RSRC2: variants seen among roughly 807,000 people sequenced by gnomAD.
RSRC2 encodes the protein arginine and serine rich coiled-coil 2.
A neutral mutation model predicts 61.3 loss-of-function variants in RSRC2; 5 were observed. The ratio of observed to expected loss-of-function variants is 0.08; its 90% CI spans 0.04 to 0.17. The LOEUF (loss-of-function observed/expected upper bound fraction) is 0.17, where lower values mean the gene tolerates loss of function less well. Among genes scored for constraint, RSRC2 ranks in the 10% least tolerant of loss-of-function variants. The pLI, the probability that RSRC2 is intolerant of heterozygous loss-of-function variation, is 1.00. For missense variants in RSRC2, 381 were observed against 518.8 expected (o/e 0.73, Z 2.58); for synonymous variants, 202 against 166.5 (o/e 1.21, Z -1.64).
At chr12:122,511,817 AT>A (rs35202053) in intron 6 of RSRC2, among the ~76,000 whole-genome samples, 1 of 151,724 alleles carries the variant, frequency 6.6e-6, no homozygotes, top group African/African-American at 2.4e-5. Context: ...ACAAAAATGA[AT>A]TTTTTTTTGA....
At position 122,504,715 on chromosome 12, in the gene RSRC2, A is replaced by G. The variant is rs1161717186; in HGVS notation, c.*812T>C. On this transcript the variant is annotated 3_prime_UTR_variant, in exon 10 of 10. Coordinates refer to ENST00000331738, the MANE Select transcript of RSRC2 (RefSeq NM_023012.6). ...TTCAAAGGGATAATGAGCAAAAAGC[A>G]TGCAAAGAACTTGTTATAAGGCACT... The G allele has an allele frequency of 6.6e-6, 1 of 152,670 alleles. No individual in the cohort carries two copies. Among genetic ancestry groups the G allele is most frequent in the Non-Finnish European group, 1.5e-5 (1 of 68,040 alleles). 9.5% of individuals were successfully genotyped at this position (152,670 alleles called of 1,614,324 possible). A position where few individuals can be genotyped will look rare whatever the true frequency, so the allele number is the denominator to read the frequency against.
chr12:122,518,893 T>TTGC lies in RSRC2; in HGVS notation c.341_343dup (p.Arg114_Lys115insSer). 6.2e-7 allele frequency: 1 copy of TTGC among 1,614,186 alleles called. No individual in the cohort carries two copies. Among genetic ancestry groups the TTGC allele is most frequent in the Non-Finnish European group, 8.5e-7 (1 of 1,180,036 alleles). On this transcript the variant is annotated inframe_insertion, in exon 4 of 10. Transcript: ENST00000331738. ...TCTGCCTCTTGATGACTTTCTTTCT[T>TTGC]TGCGTTTGTGCCTGTCCTCACCATT...
At chr12:122,524,028 T>C (rs765246905) in intron 1 of RSRC2, among the ~76,000 whole-genome samples, 2 of 152,218 alleles carry the variant, frequency 1.3e-5, no homozygotes, top group Non-Finnish European at 2.9e-5. Context: ...TATGTACTTA[T>C]TTCTCCAGTC....
chr12:122,526,421 C>T (rs367772726), intron 1 of RSRC2: 1 of 197,592 alleles, frequency 5.1e-6, no homozygotes, highest in Non-Finnish European at 1.0e-5. Flanking sequence ...TCCCACACTA[C>T]CCTTTACAGA....
chr12:122,515,488 A>G (rs1565897151), intron 5 of RSRC2, among the ~76,000 whole-genome samples: 1 of 152,116 alleles, frequency 6.6e-6, no homozygotes, highest in Non-Finnish European at 1.5e-5. Flanking sequence ...TAGCCTCCAG[A>G]GTACACAGGT....
intron 2 of RSRC2, 132 bp from the exon 3 acceptor site, chr12:122,521,560 G>A (rs1565905201): frequency 4.1e-6 from 3 of 728,952 alleles, no homozygotes; most frequent in Non-Finnish European, 7.2e-6. Context: ...CATGGCACGG[G>A]TGGGATTATT....
chr12:122,512,269 G>C (rs1310218309), intron 6 of RSRC2, among the ~76,000 whole-genome samples: 1 of 152,186 alleles, frequency 6.6e-6, no homozygotes, highest in African/African-American at 2.4e-5. Context: ...TCCTGAAAGA[G>C]GAACTCTTTT....
At chr12:122,517,765 T>A (rs567053404) in intron 4 of RSRC2, among the ~76,000 whole-genome samples, 68 of 152,228 alleles carry the variant, frequency 4.5e-4, no homozygotes, top group African/African-American at 1.6e-3. Flanking sequence ...TTGAGTCTGA[T>A]ACCACACACA....
At chr12:122,514,950 GAATTA>G in intron 6 of RSRC2, 150 bp downstream of exon 6, 1 of 842,430 alleles carries the variant, frequency 1.2e-6, no homozygotes, top group African/African-American at 1.7e-5. Flanking sequence ...TTTAGGATGA[GAATTA>G]AACTATTTAC....
intron 6 of RSRC2, among the ~76,000 whole-genome samples, chr12:122,511,817 A>ATT (rs35202053): frequency 3.3e-5 from 5 of 151,716 alleles, no homozygotes; most frequent in Non-Finnish European, 5.9e-5. Flanking sequence ...ACAAAAATGA[A>ATT]TTTTTTTTTG....
chr12:122,518,743 A>C, intron 4 of RSRC2, 96 bp downstream of exon 4: 1 of 956,812 alleles, frequency 1.0e-6, no homozygotes, highest in Non-Finnish European at 1.6e-6. Flanking sequence ...AACAAGAAAA[A>C]CTCCCTAATT....
chr12:122,510,164 T>C (rs183442538), intron 7 of RSRC2, among the ~76,000 whole-genome samples: 1 of 151,924 alleles, frequency 6.6e-6, no homozygotes, highest in Admixed American at 6.6e-5. Context: ...GCATAAAAAC[T>C]TGATTTCTTG....
intron 7 of RSRC2, among the ~76,000 whole-genome samples, chr12:122,510,805 G>A (rs995989850): frequency 6.6e-6 from 1 of 152,202 alleles, no homozygotes. Context: ...CCAGCACTTT[G>A]GGAGGCTGGG....
At position 122,519,007 on chromosome 12, in the gene RSRC2, T is replaced by C. The variant is rs1959128774; in HGVS notation, c.230A>G (p.Asp77Gly). The C allele has an allele frequency of 6.2e-7, 1 of 1,613,502 alleles. No homozygotes were observed. The highest frequency in any genetic ancestry group is 1.3e-5 in the African/African-American group (1 of 74,914). The part of the protein sequence containing the change: ...SKEGRRHESK[D>G]KSSKKHKSEE... ...AGACTTATGTTTCTTAGAGGATTTATCTTTGGATTCATGTCTTCTTCCCTG... is the reference window on the plus strand; with the variant it reads ...AGACTTATGTTTCTTAGAGGATTTACCTTTGGATTCATGTCTTCTTCCCTG... The change falls in exon 4 of 10, where the codon GAT becomes GGT. Residue 77 changes from aspartate (D) to glycine (G), a missense_variant. This residue lies in a region of RSRC2 where 266 missense variants were observed against 270.5 expected (regional missense o/e 0.98). Coordinates refer to ENST00000331738, the MANE Select transcript of RSRC2 (RefSeq NM_023012.6).
chr12:122,509,033 G>C (rs1041858411), intron 7 of RSRC2, among the ~76,000 whole-genome samples: 1 of 152,042 alleles, frequency 6.6e-6, no homozygotes, highest in African/African-American at 2.4e-5. Flanking sequence ...GATTTCAGTG[G>C]AGATGAACTA....
chr12:122,522,114 G>A (rs374218855), intron 2 of RSRC2, 29 bp downstream of exon 2: 224 of 1,591,834 alleles, frequency 1.4e-4, no homozygotes, highest in Non-Finnish European at 1.7e-4. Context: ...CAAATGCTGA[G>A]AGTTGTAACC....
At chr12:122,516,314 CTTTA>C (rs1958921597) in intron 5 of RSRC2, among the ~76,000 whole-genome samples, 1 of 152,188 alleles carries the variant, frequency 6.6e-6, no homozygotes, top group Admixed American at 6.5e-5. Flanking sequence ...CTCCTGTGCT[CTTTA>C]TTGTACACCT....
intron 1 of RSRC2, among the ~76,000 whole-genome samples, chr12:122,525,247 G>A (rs1042988971): frequency 2.0e-5 from 3 of 152,012 alleles, no homozygotes; most frequent in Admixed American, 1.3e-4. Flanking sequence ...GTGGTGGTGG[G>A]CGCCTGTAAT....
At chr12:122,525,722 T>G (rs544396667) in intron 1 of RSRC2, among the ~76,000 whole-genome samples, 2 of 151,984 alleles carry the variant, frequency 1.3e-5, no homozygotes, top group Non-Finnish European at 2.9e-5. Context: ...CCGTCAGAAT[T>G]GGGTATCTTA....
Sources: allele counts gnomAD v4.1 joint callset (sites outside exome capture counted in the v4.1 genomes callset), GRCh38; gene constraint gnomAD v4.1.1; regional missense constraint gnomAD v4.1.1; transcripts MANE v1.5; gene names NCBI Gene and HGNC (gene_info 2026-07-23, HGNC 2026-07-21).